Variants in PPARGC1A observed in about 807,000 individuals in gnomAD.
PPARGC1A encodes the protein peroxisome proliferator-activated receptor gamma coactivator 1-alpha.
In PPARGC1A, 25 loss-of-function variants were observed where a neutral mutation model predicts 88.7. The ratio of observed to expected loss-of-function variants is 0.28; its 90% confidence interval spans 0.21 to 0.39. The LOEUF (loss-of-function observed/expected upper bound fraction) is 0.39, where lower values mean the gene tolerates loss of function less well. Among genes scored for constraint, PPARGC1A ranks in the 10% least tolerant of loss-of-function variants. The probability of loss-of-function intolerance (pLI) is 1.00; values close to 1 mark genes in which losing one functional copy is unlikely to be tolerated. For missense variants in PPARGC1A, 880 were observed against 968.7 expected, an observed-to-expected ratio of 0.91 and a Z score of 1.22; for synonymous variants, 363 against 355.6, an observed-to-expected ratio of 1.02 and a Z score of -0.24.
At chr4:23,827,528 C>T (rs541402340) in intron 5 of PPARGC1A, among the ~76,000 whole-genome samples, 20 of 152,206 alleles carry the variant, frequency 1.3e-4, no homozygotes, top group Admixed American at 1.2e-3. Flanking sequence ...AAATCAACTG[C>T]CCATTTCAAG....
At chr4:24,422,413 G>C in the PPARGC1A span, among the ~76,000 whole-genome samples, 2 of 152,118 alleles carry the variant, frequency 1.3e-5, no homozygotes, top group South Asian at 2.1e-4. Flanking sequence ...GTCTAAAGCT[G>C]ACAGGGGCCT....
the PPARGC1A span, among the ~76,000 whole-genome samples, chr4:23,990,438 G>A: frequency 6.6e-6 from 1 of 151,760 alleles, no homozygotes; most frequent in Non-Finnish European, 1.5e-5. Flanking sequence ...CAGAACTAAG[G>A]CACATTAGGA....
the PPARGC1A span, among the ~76,000 whole-genome samples, chr4:24,087,114 A>C: frequency 6.6e-6 from 1 of 152,346 alleles, no homozygotes; most frequent in Non-Finnish European, 1.5e-5. Context: ...AGAAAGTAGC[A>C]GAAGAAAGTT....
the PPARGC1A span, among the ~76,000 whole-genome samples, chr4:24,013,218 A>T: frequency 6.6e-6 from 1 of 152,228 alleles, no homozygotes; most frequent in African/African-American, 2.4e-5. Flanking sequence ...TAATTAATTA[A>T]TTTTTTATTT....
At chr4:23,885,236 G>A (rs568706507) in intron 1 of PPARGC1A, among the ~76,000 whole-genome samples, 25 of 152,180 alleles carry the variant, frequency 1.6e-4, no homozygotes, top group Admixed American at 2.6e-4. Flanking sequence ...GGACCTCTTT[G>A]TACAAAATCC....
At chr4:24,443,655 A>G in the PPARGC1A span, among the ~76,000 whole-genome samples, 2 of 152,018 alleles carry the variant, frequency 1.3e-5, no homozygotes, top group Admixed American at 1.3e-4. Context: ...TCCTGGGTTC[A>G]AGTGATTCTC....
the PPARGC1A span, among the ~76,000 whole-genome samples, chr4:24,327,383 G>A: frequency 5.3e-5 from 8 of 151,956 alleles, no homozygotes; most frequent in Non-Finnish European, 8.8e-5. Flanking sequence ...ATATCTCCTC[G>A]TGCTATCCCC....
chr4:24,044,033 A>T, the PPARGC1A span, among the ~76,000 whole-genome samples: 133,735 of 152,156 alleles, frequency 0.88, 59,100 homozygotes, highest in Admixed American at 0.93. Flanking sequence ...AAATGCCATA[A>T]GTGTACGCTG....
the PPARGC1A span, among the ~76,000 whole-genome samples, chr4:24,182,940 A>G: frequency 1.3e-5 from 2 of 152,348 alleles, no homozygotes; most frequent in Non-Finnish European, 2.9e-5. Flanking sequence ...CAAGACAGAC[A>G]GTACCTTTGC....
the PPARGC1A span, among the ~76,000 whole-genome samples, chr4:24,156,719 C>T: frequency 1.3e-4 from 20 of 150,214 alleles, no homozygotes; most frequent in South Asian, 3.8e-3. Context: ...TTGGCTGTTG[C>T]GGTCTTTTCT....
the PPARGC1A span, among the ~76,000 whole-genome samples, chr4:24,359,502 A>G: frequency 6.6e-6 from 1 of 152,150 alleles, no homozygotes; most frequent in Non-Finnish European, 1.5e-5. Context: ...CAAATTCTTG[A>G]TCCCCACTGG....
At chr4:24,356,503 A>C in the PPARGC1A span, among the ~76,000 whole-genome samples, 1 of 152,208 alleles carries the variant, frequency 6.6e-6, no homozygotes, top group South Asian at 2.1e-4. Flanking sequence ...TGTCCAAGTG[A>C]ATAAATGTGA....
the PPARGC1A span, among the ~76,000 whole-genome samples, chr4:24,121,022 T>C: frequency 6.6e-6 from 1 of 152,210 alleles, no homozygotes; most frequent in Non-Finnish European, 1.5e-5. Context: ...TGATTCAGCT[T>C]GCTAGTTGCC....
the PPARGC1A span, among the ~76,000 whole-genome samples, chr4:24,102,581 T>C: frequency 6.6e-6 from 1 of 152,234 alleles, no homozygotes; most frequent in Non-Finnish European, 1.5e-5. Flanking sequence ...AGCAAAGAGA[T>C]GCAAAACTAC....
chr4:24,250,018 G>A, the PPARGC1A span, among the ~76,000 whole-genome samples: 4 of 152,168 alleles, frequency 2.6e-5, no homozygotes, highest in Non-Finnish European at 4.4e-5. Flanking sequence ...AGCACTAAAC[G>A]GTGGGAACAG....
At chr4:24,327,164 A>G in the PPARGC1A span, among the ~76,000 whole-genome samples, 1 of 152,194 alleles carries the variant, frequency 6.6e-6, no homozygotes, top group Admixed American at 6.5e-5. Flanking sequence ...TCAGAATGCT[A>G]CAAGGGACAG....
At chr4:24,232,416 T>A in the PPARGC1A span, among the ~76,000 whole-genome samples, 2 of 152,252 alleles carry the variant, frequency 1.3e-5, no homozygotes, top group African/African-American at 2.4e-5. Context: ...TCCATATACC[T>A]GTCCAACTTC....
At chr4:24,116,623 A>G in the PPARGC1A span, among the ~76,000 whole-genome samples, 1 of 152,202 alleles carries the variant, frequency 6.6e-6, no homozygotes. Flanking sequence ...ACCCAATGCA[A>G]CGATCTGGAA....
At chr4:24,366,621 C>T in the PPARGC1A span, among the ~76,000 whole-genome samples, 2 of 152,222 alleles carry the variant, frequency 1.3e-5, no homozygotes, top group African/African-American at 2.4e-5. Context: ...ATGTTTGGGA[C>T]GTTCCAAAGT....
Sources: gnomAD v4.1 joint callset for allele counts (sites outside exome capture counted in the v4.1 genomes callset) on GRCh38, gnomAD v4.1.1 for gene constraint, MANE v1.5 for transcripts, NCBI Gene and HGNC (gene_info 2026-07-23, HGNC 2026-07-21) for gene names.